The following CHL1 variants were observed in gnomAD, a reference collection of about 807,000 sequenced individuals.
The protein encoded by CHL1 is neural cell adhesion molecule L1-like protein.
CHL1 carries 96 observed loss-of-function variants against 141.9 expected under a neutral mutation model. The observed-to-expected ratio is 0.68, with a 90% CI of 0.57 to 0.80. The LOEUF (loss-of-function observed/expected upper bound fraction) is 0.80. CHL1 is among the 30% of genes least tolerant of loss of function. The probability of loss-of-function intolerance (pLI) is 0.00; values close to 1 mark genes in which losing one functional copy is unlikely to be tolerated. For missense variants in CHL1, 1,820 were observed against 1,457.2 expected, an observed-to-expected ratio of 1.25 and a Z score of -4.05; for synonymous variants, 613 against 502.2, an observed-to-expected ratio of 1.22 and a Z score of -2.95.
intron 11 of CHL1, among the ~76,000 whole-genome samples, chr3:355,071 C>T (rs9830787): frequency 0.012 from 1,845 of 152,060 alleles, 35 homozygotes; most frequent in African/African-American, 0.043. Context: ...AGGAAAAAAG[C>T]CAATTATTGT....
chr3:344,156 T>A (rs1575120411), intron 8 of CHL1, among the ~76,000 whole-genome samples: 1 of 152,268 alleles, frequency 6.6e-6, no homozygotes, highest in Non-Finnish European at 1.5e-5. Flanking sequence ...TCAGTGAGAA[T>A]TTCTGAGTGC....
intron 19 of CHL1, 62 bp from the exon 20 acceptor site, chr3:389,190 A>C: frequency 7.5e-7 from 1 of 1,341,728 alleles, no homozygotes; most frequent in East Asian, 2.5e-5. Flanking sequence ...AGGGTGGTTC[A>C]CCATCATCTC....
chr3:301,310 A>G (rs1439197890), intron 2 of CHL1, among the ~76,000 whole-genome samples: 1 of 152,216 alleles, frequency 6.6e-6, no homozygotes, highest in Non-Finnish European at 1.5e-5. Flanking sequence ...TTCAGATGGC[A>G]GATGACATAA....
intron 3 of CHL1, among the ~76,000 whole-genome samples, chr3:324,455 C>A (rs756308852): frequency 9.9e-5 from 15 of 152,048 alleles, no homozygotes; most frequent in Non-Finnish European, 2.1e-4. Context: ...TGCTCATCAG[C>A]AGTAGATCTT....
chr3:264,320 A>G (rs6804723), intron 2 of CHL1, among the ~76,000 whole-genome samples: 63,048 of 152,078 alleles, frequency 0.41, 13,619 homozygotes, highest in South Asian at 0.6. Flanking sequence ...AGAAGAATTT[A>G]TAGATCCTCT....
At chr3:279,415 C>A (rs1185003807) in intron 2 of CHL1, among the ~76,000 whole-genome samples, 1 of 151,992 alleles carries the variant, frequency 6.6e-6, no homozygotes, top group Non-Finnish European at 1.5e-5. Context: ...GTAAATGCTT[C>A]TTAGATTCTG....
chr3:319,790 T>C lies in CHL1; in HGVS notation c.14T>C (p.Leu5Ser). 1.9e-6 allele frequency: 3 copies of C among 1,606,958 alleles called. No homozygotes were observed. Among genetic ancestry groups the C allele is most frequent in the Non-Finnish European group, 2.6e-6 (3 of 1,175,446 alleles). Residue 5 changes from leucine (L) to serine (S), a missense_variant, in exon 3 of 28, where the codon TTA becomes TCA. Transcript: ENST00000256509. ...TCCTGAAGAGCAATGGAGCCGCTTT[T>C]ACTTGGAAGAGGACTAATCGTATAT... MEPLLLGRGLIVYLM... is the reference protein window; with the variant it reads MEPLSLGRGLIVYLM...
At position 377,948 on chromosome 3, in the gene CHL1, T is replaced by A. The variant is rs571397518; in HGVS notation, c.1876+6T>A. 116 of 1,593,160 alleles carry A rather than the reference T, an allele frequency of 7.3e-5. No individual in the cohort carries two copies. Among genetic ancestry groups the A allele is most frequent in the East Asian group, 1.6e-4 (7 of 44,508 alleles). The stretch of plus-strand genomic sequence containing the variant: ...AACTCAAGTAACTGTTCTTGGTAAG[T>A]GCACTAACTAATGAGAAATCTGTTC... On this transcript the variant is annotated splice_donor_region_variant and intron_variant, in intron 16 of 27. Coordinates refer to ENST00000256509, the MANE Select transcript of CHL1 (RefSeq NM_006614.4).
At chr3:258,779 C>G (rs1160959187) in intron 2 of CHL1, among the ~76,000 whole-genome samples, 2 of 152,010 alleles carry the variant, frequency 1.3e-5, no homozygotes, top group Non-Finnish European at 2.9e-5. Context: ...ACAATTGCAT[C>G]TCTTGTTCTA....
intron 1 of CHL1, among the ~76,000 whole-genome samples, chr3:229,969 G>A (rs1032578106): frequency 9.2e-5 from 14 of 152,152 alleles, no homozygotes; most frequent in Admixed American, 2.6e-4. Flanking sequence ...CTGTTGCTTC[G>A]TTTTGTTTAG....
chr3:322,598 C>A (rs968229885), intron 3 of CHL1, among the ~76,000 whole-genome samples: 1 of 144,756 alleles, frequency 6.9e-6, no homozygotes, highest in Non-Finnish European at 1.5e-5. Flanking sequence ...CAAGACCAGC[C>A]TGGCAAATGT....
At chr3:289,578 G>T (rs917691246) in intron 2 of CHL1, among the ~76,000 whole-genome samples, 4 of 152,024 alleles carry the variant, frequency 2.6e-5, no homozygotes, top group Admixed American at 1.3e-4. Flanking sequence ...GTAAATAAGA[G>T]CTTGGTTCCT....
At chr3:202,940 G>C (rs886598233) in intron 1 of CHL1, among the ~76,000 whole-genome samples, 2 of 152,158 alleles carry the variant, frequency 1.3e-5, no homozygotes, top group Admixed American at 1.3e-4. Flanking sequence ...TAAGTGATTT[G>C]ACTAGATTCA....
chr3:247,460 A>G (rs1457757559), intron 2 of CHL1: 1 of 152,080 alleles, frequency 6.6e-6, no homozygotes, highest in Non-Finnish European at 1.5e-5. Context: ...TATTTTCATC[A>G]TTACCTCTGA....
chr3:215,548 AG>A (rs1700246497), intron 1 of CHL1, among the ~76,000 whole-genome samples: 1 of 152,192 alleles, frequency 6.6e-6, no homozygotes, highest in Non-Finnish European at 1.5e-5. Context: ...ACTAGAAGAG[AG>A]GATCCTGAGT....
At chr3:348,266 C>T (rs1024578433) in intron 9 of CHL1, among the ~76,000 whole-genome samples, 2 of 152,168 alleles carry the variant, frequency 1.3e-5, no homozygotes, top group Non-Finnish European at 2.9e-5. Flanking sequence ...GAGCTTCAGA[C>T]TCCTTACTGT....
Position 360,402 on chromosome 3 carries a change from C to A in CHL1, c.1284C>A (p.Ala428=). The change falls in exon 12 of 28, where the codon GCC becomes GCA. Residue 428 remains alanine, a synonymous_variant. Transcript: ENST00000256509. ...EASNVHGTIL[A]NANIDVVDVR... ...CAAATGTCCATGGAACTATCCTTGCCAATGCCAATATTGATGTTGTGGGTG... is the reference window on the plus strand; with the variant it reads ...CAAATGTCCATGGAACTATCCTTGCAAATGCCAATATTGATGTTGTGGGTG... 1 of 1,613,618 alleles carries A rather than the reference C, an allele frequency of 6.2e-7. No individual in the cohort carries two copies. Among genetic ancestry groups the A allele is most frequent in the East Asian group, 2.2e-5 (1 of 44,864 alleles).
intron 1 of CHL1, among the ~76,000 whole-genome samples, chr3:229,057 A>T (rs143958057): frequency 4.0e-4 from 61 of 152,328 alleles, no homozygotes; most frequent in African/African-American, 1.4e-3. Context: ...TAGTTTACAC[A>T]GGATTAATTG....
chr3:272,825 C>G (rs539862859), intron 2 of CHL1, among the ~76,000 whole-genome samples: 19 of 152,298 alleles, frequency 1.2e-4, no homozygotes, highest in Admixed American at 7.9e-4. Context: ...ACTTACTGAA[C>G]TCCCATATTT....
Sources: gnomAD v4.1 joint callset for allele counts (sites outside exome capture counted in the v4.1 genomes callset) on GRCh38, gnomAD v4.1.1 for gene constraint, MANE v1.5 for transcripts, NCBI Gene and HGNC (gene_info 2026-07-23, HGNC 2026-07-21) for gene names.